The following KLHL24 variants were observed in gnomAD, a reference collection of about 807,000 sequenced individuals.
KLHL24 encodes the protein kelch-like protein 24.
Under a neutral mutation model 53.4 loss-of-function variants are expected in KLHL24, and 29 were observed. The observed-to-expected ratio is 0.54, with a 90% confidence interval of 0.40 to 0.74. The LOEUF (loss-of-function observed/expected upper bound fraction) is 0.74, where lower values mean the gene tolerates loss of function less well. KLHL24 is among the 30% of genes least tolerant of loss of function. KLHL24 has a pLI of 0.00. For synonymous variants in KLHL24, 222 were observed against 253.7 expected, an observed-to-expected ratio of 0.88 and a Z score of 1.19; for missense variants, 504 against 744.0, an observed-to-expected ratio of 0.68 and a Z score of 3.75.
intron 7 of KLHL24, among the ~76,000 whole-genome samples, chr3:183,676,658 C>T (rs1257446537): frequency 6.6e-6 from 1 of 152,166 alleles, no homozygotes; most frequent in African/African-American, 2.4e-5. Context: ...TCTGACTTTG[C>T]ATAATTCCTA....
At chr3:183,645,492 A>G (rs551320879) in intron 2 of KLHL24, among the ~76,000 whole-genome samples, 42 of 152,266 alleles carry the variant, frequency 2.8e-4, no homozygotes, top group Non-Finnish European at 5.6e-4. Flanking sequence ...CCACACAAAT[A>G]TATGGGCAAC....
chr3:183,637,402 A>T (rs78913605), intron 1 of KLHL24, among the ~76,000 whole-genome samples: 127 of 152,172 alleles, frequency 8.3e-4, no homozygotes, highest in African/African-American at 3.0e-3. Context: ...TGTTTGAGGG[A>T]TTCTAGGTCA....
At chr3:183,657,466 G>T (rs779564682) in intron 3 of KLHL24, among the ~76,000 whole-genome samples, 1 of 152,316 alleles carries the variant, frequency 6.6e-6, no homozygotes, top group South Asian at 2.1e-4. Flanking sequence ...TCTAATGGCC[G>T]TAATGAGGGC....
intron 5 of KLHL24, among the ~76,000 whole-genome samples, chr3:183,665,475 G>C (rs948690020): frequency 6.6e-6 from 1 of 152,184 alleles, no homozygotes; most frequent in Non-Finnish European, 1.5e-5. Context: ...AACAGGCCAG[G>C]CACGTTGGCT....
chr3:183,661,187 A>G (rs1051724757), intron 3 of KLHL24, among the ~76,000 whole-genome samples: 6 of 140,244 alleles, frequency 4.3e-5, no homozygotes, highest in Non-Finnish European at 7.7e-5. Context: ...GTGAGCCACA[A>G]TCTCGCCACT....
In KLHL24 at chr3:183,650,680, G is replaced by A. The variant is rs1717998269; in HGVS notation, c.324G>A (p.Glu108=). The A allele has an allele frequency of 6.2e-7, 1 of 1,614,038 alleles. No homozygotes were observed. Among genetic ancestry groups the A allele is most frequent in the Middle Eastern group, 1.6e-4 (1 of 6,062 alleles). Reference sequence around the variant, plus strand: ...GGGAAAGCCGAGAAATGTTGGTTGAGATCAATGGTATTTTAGCTGAAGCTA... The same window carrying A: ...GGGAAAGCCGAGAAATGTTGGTTGAAATCAATGGTATTTTAGCTGAAGCTA... ...DHRESREMLV[E]INGILAEAME... Residue 108 remains glutamate (E), a synonymous_variant, in exon 3 of 8, where the codon GAG becomes GAA. Coordinates refer to ENST00000242810, the MANE Select transcript of KLHL24 (RefSeq NM_017644.3). This position sits in a 1 kb window ranked among gnomAD's most constrained non-coding sequence, Gnocchi z 4.5.
intron 1 of KLHL24, among the ~76,000 whole-genome samples, chr3:183,642,725 TA>T (rs1308642786): frequency 6.6e-6 from 1 of 151,666 alleles, no homozygotes; most frequent in East Asian, 1.9e-4. Flanking sequence ...TATTAAAAGA[TA>T]AAAAAATTAT....
intron 3 of KLHL24, among the ~76,000 whole-genome samples, chr3:183,662,238 A>AAT (rs1282756075): frequency 1.3e-5 from 2 of 152,186 alleles, no homozygotes; most frequent in African/African-American, 2.4e-5. Context: ...CCTGGCATAG[A>AAT]ATAGGTACGT....
Position 183,682,893 on chromosome 3 carries a change from T to A in KLHL24, c.*3607T>A, listed in dbSNP as rs1712814561. 1 of 152,298 alleles carries A rather than the reference T, an allele frequency of 6.6e-6. No homozygotes were observed. Among genetic ancestry groups the A allele is most frequent in the Non-Finnish European group, 1.5e-5 (1 of 67,990 alleles). 9.4% of individuals were successfully genotyped at this position (152,298 alleles called of 1,614,324 possible). A position where few individuals can be genotyped will look rare whatever the true frequency, so the allele number is the denominator to read the frequency against. On this transcript the variant is annotated 3_prime_UTR_variant, in exon 8 of 8. Coordinates refer to ENST00000242810, the MANE Select transcript of KLHL24 (RefSeq NM_017644.3). The stretch of plus-strand genomic sequence containing the variant: ...TGTGTGCCTTTTATGTCTTGAGATT[T>A]ATATGTGGAAAAGACGACATCTACT...
In KLHL24 at chr3:183,682,168, G is replaced by A. The variant is rs1236205730; in HGVS notation, c.*2882G>A. 6.6e-6 allele frequency: 1 copy of A among 151,618 alleles called. No homozygotes were observed. The highest frequency in any genetic ancestry group is 1.5e-5 in the Non-Finnish European group (1 of 67,870). 9.4% of individuals were successfully genotyped at this position (151,618 alleles called of 1,614,324 possible). A position where few individuals can be genotyped will look rare whatever the true frequency, so the allele number is the denominator to read the frequency against. On this transcript the variant is annotated 3_prime_UTR_variant, in exon 8 of 8. Coordinates refer to ENST00000242810, the MANE Select transcript of KLHL24 (RefSeq NM_017644.3). The stretch of plus-strand genomic sequence containing the variant: ...AGTTTTACAAGGTCAGAAGAGATGA[G>A]TTTGCTAAACCCAGCTGTGATACCT...
intron 1 of KLHL24, among the ~76,000 whole-genome samples, chr3:183,641,283 A>C (rs1296119137): frequency 6.6e-6 from 1 of 152,038 alleles, no homozygotes; most frequent in African/African-American, 2.4e-5. Context: ...TCACAAGGTC[A>C]AGAGATCGAG....
At chr3:183,653,567 G>T (rs967002010) in intron 3 of KLHL24, among the ~76,000 whole-genome samples, 5 of 152,194 alleles carry the variant, frequency 3.3e-5, no homozygotes, top group African/African-American at 4.8e-5. Context: ...ACTGTGACAG[G>T]TTTTTGCAAT....
intron 5 of KLHL24, among the ~76,000 whole-genome samples, chr3:183,667,787 G>A (rs1258463576): frequency 3.9e-5 from 6 of 152,102 alleles, no homozygotes; most frequent in Middle Eastern, 3.4e-3. Flanking sequence ...CACAGTCATG[G>A]CTCACTGCAG....
At chr3:183,636,313 T>C (rs757815328) in intron 1 of KLHL24, 1 of 152,202 alleles carries the variant, frequency 6.6e-6, no homozygotes, top group Admixed American at 6.5e-5. Flanking sequence ...GGGGTCAAGG[T>C]GGGGTCCCCA....
chr3:183,674,431 A>G (rs9819919), intron 7 of KLHL24, among the ~76,000 whole-genome samples: 61,048 of 151,184 alleles, frequency 0.4, 15,512 homozygotes, highest in African/African-American at 0.73. Context: ...CGCGATCTCC[A>G]CACACTGCAA....
intron 3 of KLHL24, among the ~76,000 whole-genome samples, chr3:183,658,640 AT>A (rs1719257834): frequency 6.6e-6 from 1 of 152,224 alleles, no homozygotes. Context: ...CTTTACAGAT[AT>A]TATAAAAATT....
chr3:183,638,973 G>A (rs191995115), intron 1 of KLHL24, among the ~76,000 whole-genome samples: 2 of 152,264 alleles, frequency 1.3e-5, no homozygotes, highest in African/African-American at 4.8e-5. Flanking sequence ...GGCTGAGGCG[G>A]GTGGATCACC....
At chr3:183,639,170 G>T (rs892048935) in intron 1 of KLHL24, among the ~76,000 whole-genome samples, 1 of 151,188 alleles carries the variant, frequency 6.6e-6, no homozygotes, top group Non-Finnish European at 1.5e-5. Context: ...ATTGCACTCC[G>T]GCCTGGGCAA....
chr3:183,679,195 T>A lies in KLHL24; in HGVS notation c.1712T>A (p.Ile571Asn), dbSNP rs1287889112. The part of the protein sequence containing the change: ...TILCYDPATS[I>N]ITGVAAMPRP... ...CTCTGTTATGATCCTGCAACAAGTA[T>A]CATCACAGGGGTAGCTGCAATGCCC... Residue 571 changes from isoleucine to asparagine, a missense_variant, in exon 8 of 8, where the codon ATC (isoleucine) becomes AAC (asparagine). Transcript: ENST00000242810. 1 of 1,613,952 alleles carries A rather than the reference T, an allele frequency of 6.2e-7. No homozygotes were observed. The highest frequency in any genetic ancestry group is 8.5e-7 in the Non-Finnish European group (1 of 1,179,880).
Sources: allele counts gnomAD v4.1 joint callset (sites outside exome capture counted in the v4.1 genomes callset), GRCh38; gene constraint gnomAD v4.1.1; non-coding constraint Gnocchi (gnomAD v3.1); transcripts MANE v1.5; gene names NCBI Gene and HGNC (gene_info 2026-07-23, HGNC 2026-07-21).